PRTG: variants seen among roughly 807,000 people sequenced by gnomAD.
PRTG encodes the protein immunoglobulin superfamily, DCC subclass, member 5.
PRTG carries 67 observed loss-of-function variants against 122.5 expected under a neutral mutation model. The observed-to-expected ratio is 0.55, with a 90% CI of 0.45 to 0.67. The LOEUF (loss-of-function observed/expected upper bound fraction) is 0.67, where lower values mean the gene tolerates loss of function less well. PRTG is among the 30% of genes least tolerant of loss of function. The pLI is 0.00. For synonymous variants in PRTG, 554 were observed against 501.1 expected (o/e 1.11, Z -1.41); for missense variants, 1,435 against 1,415.4 (o/e 1.01, Z -0.22).
intron 11 of PRTG, among the ~76,000 whole-genome samples, chr15:55,670,339 A>T (rs1444495711): frequency 1.3e-5 from 2 of 152,202 alleles, no homozygotes; most frequent in African/African-American, 4.8e-5. Context: ...TCTTCTATAT[A>T]TTCATATTTT....
intron 2 of PRTG, among the ~76,000 whole-genome samples, chr15:55,733,935 G>C (rs956088988): frequency 3.3e-5 from 5 of 152,168 alleles, no homozygotes; most frequent in East Asian, 3.8e-4. Context: ...GGATAAGATA[G>C]AAACAGTTAA....
At position 55,675,703 on chromosome 15, in the gene PRTG, T is replaced by A; in HGVS notation, c.1382-20A>T. On this transcript the variant is annotated intron_variant, in intron 8 of 19. Coordinates refer to ENST00000389286, the MANE Select transcript of PRTG (RefSeq NM_173814.6). ...TTAAACCTAAATTAAAGAATCCATG[T>A]TTTAAAATGACAGATATTCAAAATA... is the stretch of plus-strand genomic sequence containing the variant. 1 of 1,464,816 alleles carries A rather than the reference T, an allele frequency of 6.8e-7. No homozygotes were observed. The highest frequency in any genetic ancestry group is 9.5e-7 in the Non-Finnish European group (1 of 1,051,474). The allele number at this position is 1,464,816 out of a possible 1,614,324, so 90.7% of individuals were successfully genotyped here. A position where few individuals can be genotyped will look rare whatever the true frequency, so the allele number is the denominator to read the frequency against.
chr15:55,686,003 G>T (rs2059568460), intron 2 of PRTG, among the ~76,000 whole-genome samples: 1 of 152,018 alleles, frequency 6.6e-6, no homozygotes. Context: ...TTTAATTTTG[G>T]ATCTAAACCT....
At chr15:55,672,050 T>C (rs1381877441) in intron 11 of PRTG, among the ~76,000 whole-genome samples, 1 of 152,222 alleles carries the variant, frequency 6.6e-6, no homozygotes, top group African/African-American at 2.4e-5. Context: ...AGCAATTATA[T>C]AGTACTCTCA....
At chr15:55,694,837 C>T (rs1039781707) in intron 2 of PRTG, among the ~76,000 whole-genome samples, 4 of 152,100 alleles carry the variant, frequency 2.6e-5, no homozygotes, top group Non-Finnish European at 5.9e-5. Flanking sequence ...ACTTTGTTTC[C>T]GCCAGTTAGG....
rs368773661 is a variant in PRTG at position 55,620,785 on chromosome 15, G to T, written c.3094-18C>A. 4 of 1,568,784 alleles carry T rather than the reference G, an allele frequency of 2.5e-6. No individual in the cohort carries two copies. The highest frequency in any genetic ancestry group is 3.4e-6 in the Non-Finnish European group (4 of 1,160,154). On this transcript the variant is annotated intron_variant, in intron 18 of 19. Transcript: ENST00000389286. ...GTTCCTCCCTGAGGAAATAAAAGAG[G>T]GGAAATGTAAAATATCCTGGTATCA...
rs545838563 is a variant in PRTG at position 55,638,479 on chromosome 15, C to T, written c.2452+70G>A. On this transcript the variant is annotated intron_variant, in intron 14 of 19. Transcript: ENST00000389286. ...TAGGGTAGTATCCTACACAGAATGA[C>T]ATACATATTTTTAAAACATTTCCTT... The T allele has an allele frequency of 2.5e-6, 3 of 1,224,308 alleles. No homozygotes were observed. In the African/African-American group the frequency reaches 4.6e-5, roughly 19 times the overall value. The allele number at this position is 1,224,308 out of a possible 1,614,324, so 75.8% of individuals were successfully genotyped here.
At chr15:55,672,367 G>A in intron 11 of PRTG, 78 bp downstream of exon 11, 9 of 1,154,108 alleles carry the variant, frequency 7.8e-6, no homozygotes, top group Non-Finnish European at 1.1e-5. Flanking sequence ...AAGTTCTCCT[G>A]CTTTAGATCC....
In PRTG at chr15:55,616,028, T is replaced by C. The variant is rs1011126026; in HGVS notation, c.*3984A>G. The C allele has an allele frequency of 2.0e-5, 3 of 152,058 alleles. No individual in the cohort carries two copies. Among genetic ancestry groups the C allele is most frequent in the Non-Finnish European group, 2.9e-5 (2 of 67,972 alleles). The allele number at this position is 152,058 out of a possible 1,614,324, so 9.4% of individuals were successfully genotyped here. On this transcript the variant is annotated 3_prime_UTR_variant, in exon 20 of 20. Transcript: ENST00000389286. ...TGTTCCCAATGTTGGCATTGCTCGT[T>C]TCAAGCACAGACAAAAGTATAGCAT... is the stretch of plus-strand genomic sequence containing the variant.
intron 1 of PRTG, 63 bp downstream of exon 1, chr15:55,742,775 C>T: frequency 1.3e-6 from 2 of 1,531,096 alleles, no homozygotes; most frequent in Non-Finnish European, 1.8e-6. Flanking sequence ...CCTCTTTCCC[C>T]ATCCCACTCG....
rs150147358 is a variant in PRTG at position 55,731,557 on chromosome 15, G to C, written c.397+8825C>G. Among the ~76,000 whole-genome samples, 608 of 151,488 alleles carry C rather than the reference G, an allele frequency of 4.0e-3. 1 individual carries two copies. Among genetic ancestry groups the C allele is most frequent in the Non-Finnish European group, 7.2e-3 (486 of 67,848 alleles). ...AGATAATGTTTGTATTTTTAGTAGA[G>C]ATGGGGTTTCACCATGTCGGTCAGG... On this transcript the variant is annotated intron_variant, in intron 2 of 19. Coordinates refer to ENST00000389286, the MANE Select transcript of PRTG (RefSeq NM_173814.6).
intron 2 of PRTG, among the ~76,000 whole-genome samples, chr15:55,732,472 A>G (rs1476693665): frequency 6.7e-6 from 1 of 149,194 alleles, no homozygotes; most frequent in South Asian, 2.1e-4. Flanking sequence ...GGTATGAGCA[A>G]CTGCGCCTGG....
At chr15:55,712,486 T>C (rs2030426395) in intron 2 of PRTG, among the ~76,000 whole-genome samples, 5 of 152,218 alleles carry the variant, frequency 3.3e-5, no homozygotes, top group Admixed American at 3.3e-4. Flanking sequence ...GAAAAGCAGC[T>C]GATTCAGTCC....
At chr15:55,638,159 T>TG (rs1471829052) in intron 14 of PRTG, among the ~76,000 whole-genome samples, 2 of 152,232 alleles carry the variant, frequency 1.3e-5, no homozygotes, top group African/African-American at 4.8e-5. Flanking sequence ...CAAATTGCAC[T>TG]GTGCACACTA....
intron 2 of PRTG, among the ~76,000 whole-genome samples, chr15:55,737,064 G>T (rs767456644): frequency 2.0e-5 from 3 of 152,158 alleles, no homozygotes; most frequent in Non-Finnish European, 4.4e-5. Context: ...GATAACCATA[G>T]ATCATTTCTT....
chr15:55,738,610 CTGAA>C (rs1335017881), intron 2 of PRTG: 8 of 679,148 alleles, frequency 1.2e-5, no homozygotes, highest in African/African-American at 8.9e-5. Flanking sequence ...TGGACAAAAA[CTGAA>C]TGAACAGAAT....
intron 11 of PRTG, chr15:55,656,078 A>G (rs2059378190): frequency 5.5e-6 from 1 of 181,956 alleles, no homozygotes; most frequent in Non-Finnish European, 1.2e-5. Context: ...GATGTTCTCC[A>G]ACATAAACAC....
chr15:55,671,467 A>C (rs1464877344), intron 11 of PRTG, among the ~76,000 whole-genome samples: 1 of 152,186 alleles, frequency 6.6e-6, no homozygotes, highest in Non-Finnish European at 1.5e-5. Flanking sequence ...AGTTTATGTC[A>C]GTTTATAGTT....
At chr15:55,685,531 C>A (rs984198683) in intron 2 of PRTG, among the ~76,000 whole-genome samples, 1 of 152,092 alleles carries the variant, frequency 6.6e-6, no homozygotes, top group African/African-American at 2.4e-5. Flanking sequence ...CATGGTATTA[C>A]AACAGACCAA....
Sources: gnomAD v4.1 joint callset for allele counts (sites outside exome capture counted in the v4.1 genomes callset) on GRCh38, gnomAD v4.1.1 for gene constraint, MANE v1.5 for transcripts, NCBI Gene and HGNC (gene_info 2026-07-23, HGNC 2026-07-21) for gene names.